Variants in SLCO1B3 observed in about 807,000 individuals in gnomAD.
SLCO1B3 encodes the protein solute carrier organic anion transporter family member 1B3, also known as liver-specific organic anion transporter 2.
In SLCO1B3, 72 loss-of-function variants were observed where a neutral mutation model predicts 71.8. The observed-to-expected ratio is 1.00, with a 90% CI of 0.83 to 1.22. The LOEUF (loss-of-function observed/expected upper bound fraction) is 1.22, where lower values mean the gene tolerates loss of function less well. Ranked by LOEUF, SLCO1B3 falls within the 50% of genes most tolerant of loss-of-function variation. The pLI is 0.00. For synonymous variants in SLCO1B3, 298 were observed against 278.4 expected, an observed-to-expected ratio of 1.07 and a Z score of -0.70; for missense variants, 911 against 819.7, an observed-to-expected ratio of 1.11 and a Z score of -1.36.
In SLCO1B3 at chr12:20,828,002, A is replaced by G. The variant is rs186855512; in HGVS notation, c.84+12180A>G. Among the ~76,000 whole-genome samples the G allele has an allele frequency of 3.3e-5, 5 of 152,338 alleles. No homozygotes were observed. In the East Asian group the frequency reaches 9.6e-4, roughly 29 times the overall value. On this transcript the variant is annotated intron_variant, in intron 3 of 15. Coordinates refer to ENST00000381545, the MANE Select transcript of SLCO1B3 (RefSeq NM_019844.4). Reference sequence around the variant, plus strand: ...AGAGTGGTGTGCTAGAGGGAGATTAAAAATGGATACCAAGTCAAACATGAA... The same window carrying G: ...AGAGTGGTGTGCTAGAGGGAGATTAGAAATGGATACCAAGTCAAACATGAA...
At chr12:20,904,755 CTTTTTTTTTTTT>C (rs775996155) in intron 15 of SLCO1B3, among the ~76,000 whole-genome samples, 15 of 56,110 alleles carry the variant, frequency 2.7e-4, no homozygotes, top group African/African-American at 9.8e-4. Flanking sequence ...GACATCCAGG[CTTTTTTTTTTTT>C]TTTTTTTTTT....
intron 13 of SLCO1B3, among the ~76,000 whole-genome samples, chr12:20,896,959 C>T (rs1866020253): frequency 6.6e-6 from 1 of 152,154 alleles, no homozygotes; most frequent in African/African-American, 2.4e-5. Context: ...AAAACTCTGA[C>T]TTACAAAGCC....
chr12:20,848,305 G>A (rs577023737), intron 3 of SLCO1B3, among the ~76,000 whole-genome samples: 5 of 152,272 alleles, frequency 3.3e-5, no homozygotes, highest in African/African-American at 1.2e-4. Flanking sequence ...ACTTATTAGA[G>A]TGAGTAACAT....
intron 3 of SLCO1B3, among the ~76,000 whole-genome samples, chr12:20,819,916 C>G (rs1196900878): frequency 1.3e-5 from 2 of 151,978 alleles, no homozygotes; most frequent in African/African-American, 2.4e-5. Context: ...AGAAGGGCAG[C>G]AATGAGATGC....
At chr12:20,827,760 A>T (rs1001296788) in intron 3 of SLCO1B3, among the ~76,000 whole-genome samples, 2 of 152,010 alleles carry the variant, frequency 1.3e-5, no homozygotes, top group African/African-American at 4.8e-5. Flanking sequence ...TTGTAGAGAC[A>T]GGGTTTACCA....
chr12:20,814,976 C>CTTTTTT (rs1297703814), intron 2 of SLCO1B3, among the ~76,000 whole-genome samples: 7 of 117,110 alleles, frequency 6.0e-5, no homozygotes, highest in Middle Eastern at 4.9e-3. Context: ...CTTTTCTTTT[C>CTTTTTT]TTTTCTTTTT....
intron 3 of SLCO1B3, among the ~76,000 whole-genome samples, chr12:20,827,139 GATGACC>G (rs141856034): frequency 0.15 from 22,821 of 151,950 alleles, 1,888 homozygotes; most frequent in African/African-American, 0.23. Context: ...ATTACACAAA[GATGACC>G]ATGTTTTGGG....
intron 3 of SLCO1B3, among the ~76,000 whole-genome samples, chr12:20,822,847 C>T (rs1411998620): frequency 6.6e-6 from 1 of 152,092 alleles, no homozygotes; most frequent in Non-Finnish European, 1.5e-5. Flanking sequence ...AATTTTGTTT[C>T]TTATGTCATA....
intron 3 of SLCO1B3, among the ~76,000 whole-genome samples, chr12:20,844,512 G>T (rs551603989): frequency 1.9e-4 from 28 of 149,622 alleles, no homozygotes; most frequent in African/African-American, 6.7e-4. Context: ...TGGTTGCAGT[G>T]AGCCGAGATC....
At chr12:20,902,821 C>T (rs1866155224) in intron 15 of SLCO1B3, among the ~76,000 whole-genome samples, 1 of 151,958 alleles carries the variant, frequency 6.6e-6, no homozygotes, top group Non-Finnish European at 1.5e-5. Context: ...GTAATCCTAG[C>T]ACTTTGGGAG....
At chr12:20,890,765 CCTT>C (rs2121338220) in intron 13 of SLCO1B3, among the ~76,000 whole-genome samples, 1 of 152,196 alleles carries the variant, frequency 6.6e-6, no homozygotes, top group South Asian at 2.1e-4. Flanking sequence ...TATATGATAA[CCTT>C]CTTTGTCATT....
intron 8 of SLCO1B3, among the ~76,000 whole-genome samples, chr12:20,870,138 A>T (rs1398262322): frequency 6.6e-6 from 1 of 152,090 alleles, no homozygotes; most frequent in Non-Finnish European, 1.5e-5. Context: ...TTCTTTGGAG[A>T]AATTTCTATT....
chr12:20,887,588 T>C (rs1228018415), intron 13 of SLCO1B3, among the ~76,000 whole-genome samples: 1 of 151,988 alleles, frequency 6.6e-6, no homozygotes, highest in Non-Finnish European at 1.5e-5. Context: ...TATTGAGTTG[T>C]TTGAGTTCTT....
rs559692629 is a variant in SLCO1B3, at chr12:20,883,479, A to G, written c.1559A>G (p.His520Arg). The G allele has an allele frequency of 1.3e-6, 2 of 1,596,104 alleles. No individual in the cohort carries two copies. The highest frequency in any genetic ancestry group is 8.5e-7 in the Non-Finnish European group (1 of 1,170,032). ...CTCCAGAACAGAAATTACTCAGCACACTTGGGTGAATGCCCAAGAGATAAT... is the reference window on the plus strand; with the variant it reads ...CTCCAGAACAGAAATTACTCAGCACGCTTGGGTGAATGCCCAAGAGATAAT... ...TGLQNRNYSA[H>R]LGECPRDNTC... is the part of the protein sequence containing the mutation. Residue 520 changes from histidine to arginine, a missense_variant, in exon 13 of 16, where the codon CAC (histidine) becomes CGC (arginine). His to Arg is a conservative substitution (Grantham distance 29). Coordinates refer to ENST00000381545, the MANE Select transcript of SLCO1B3 (RefSeq NM_019844.4).
intron 15 of SLCO1B3, among the ~76,000 whole-genome samples, chr12:20,905,884 G>C (rs962289465): frequency 1.3e-5 from 2 of 152,124 alleles, no homozygotes; most frequent in Non-Finnish European, 2.9e-5. Flanking sequence ...TTATAGCAGT[G>C]TCCCACTCCC....
At chr12:20,850,547 G>T (rs113605967) in intron 3 of SLCO1B3, among the ~76,000 whole-genome samples, 1 of 152,078 alleles carries the variant, frequency 6.6e-6, no homozygotes, top group Non-Finnish European at 1.5e-5. Context: ...CTCCCAAAGC[G>T]CTGGGAATAT....
At position 20,875,318 on chromosome 12, in the gene SLCO1B3, A is replaced by G; in HGVS notation, c.811A>G (p.Ile271Val). The G allele has an allele frequency of 6.2e-7, 1 of 1,613,342 alleles. No individual in the cohort carries two copies. Among genetic ancestry groups the G allele is most frequent in the Non-Finnish European group, 8.5e-7 (1 of 1,179,610 alleles). Reference protein sequence around the residue: ...GFLVSGLFSIISSIPFFFLPK... With the variant: ...GFLVSGLFSIVSSIPFFFLPK... ...CCTTGTGTCTGGACTATTTTCCATT[A>G]TTTCTTCCATACCATTTTTTTTCTT... Residue 271 changes from isoleucine (I) to valine (V), a missense_variant, in exon 9 of 16, where the codon ATT (isoleucine) becomes GTT (valine). Ile to Val is a conservative substitution (Grantham distance 29, BLOSUM62 3). Coordinates refer to ENST00000381545, the MANE Select transcript of SLCO1B3 (RefSeq NM_019844.4).
chr12:20,894,513 C>T (rs1865965044), intron 13 of SLCO1B3, among the ~76,000 whole-genome samples: 1 of 152,110 alleles, frequency 6.6e-6, no homozygotes, highest in Non-Finnish European at 1.5e-5. Flanking sequence ...CCCAAGTCTC[C>T]TGCATGCCAC....
chr12:20,906,039 A>G (rs1316336544), intron 15 of SLCO1B3, among the ~76,000 whole-genome samples: 1 of 152,198 alleles, frequency 6.6e-6, no homozygotes, highest in African/African-American at 2.4e-5. Context: ...AGATCTGGTG[A>G]GAACTCACTA....
Sources: gnomAD v4.1 joint callset for allele counts (sites outside exome capture counted in the v4.1 genomes callset) on GRCh38, gnomAD v4.1.1 for gene constraint, MANE v1.5 for transcripts, NCBI Gene and HGNC (gene_info 2026-07-23, HGNC 2026-07-21) for gene names.